The following GPC1 variants were observed in gnomAD, a reference collection of about 807,000 sequenced individuals.
The protein encoded by GPC1 is glypican-1.
In GPC1, 26 loss-of-function variants were observed where a neutral mutation model predicts 51.5. That is an observed-to-expected ratio of 0.50 (90% CI 0.37 to 0.70). The LOEUF is 0.70. Ranked by LOEUF, GPC1 falls within the 30% of genes least tolerant of loss-of-function variation. The pLI, the probability that GPC1 is intolerant of heterozygous loss-of-function variation, is 0.00. For missense variants in GPC1, 775 were observed against 800.5 expected (o/e 0.97, Z 0.38); for synonymous variants, 380 against 348.3 (o/e 1.09, Z -1.01).
At chr2:240,438,217 C>A (rs2073996041) in intron 1 of GPC1, among the ~76,000 whole-genome samples, 1 of 152,204 alleles carries the variant, frequency 6.6e-6, no homozygotes. Context: ...ATTACTGCCT[C>A]TCCAGTCGGT....
chr2:240,451,066 T>C, intron 1 of GPC1: 2 of 464,426 alleles, frequency 4.3e-6, no homozygotes, highest in Non-Finnish European at 9.0e-6. Flanking sequence ...AGAGATGGCT[T>C]CTCGGGAAGT....
intron 1 of GPC1, among the ~76,000 whole-genome samples, chr2:240,438,877 G>A (rs1442165017): frequency 6.6e-6 from 1 of 152,182 alleles, no homozygotes; most frequent in African/African-American, 2.4e-5. Context: ...CTGGACGGTG[G>A]CACTGCAGCA....
At position 240,465,082 on chromosome 2, in the gene GPC1, C is replaced by T. The variant is rs2228327; in HGVS notation, c.1140C>T (p.Ser380=). ...GCCTGACTGCTGCCCCACAGGTCTC[C>T]GAAGCCAAGGCCCAGCTCCGCGACG... is the stretch of plus-strand genomic sequence containing the variant. ...PPSGTLEKLV[S]EAKAQLRDVQ... The change falls in exon 7 of 9, where the codon TCC becomes TCT. Residue 380 remains serine (S), a synonymous_variant. Transcript: ENST00000264039. 474,281 of 1,603,288 alleles carry T rather than the reference C, an allele frequency of 0.3. 72,069 individuals carry two copies. The highest frequency in any genetic ancestry group is 0.37 in the Middle Eastern group (2,235 of 6,048).
At chr2:240,456,526 CCGGGAAGCTCAG>C in intron 1 of GPC1, 1 of 453,394 alleles carries the variant, frequency 2.2e-6, no homozygotes, top group Non-Finnish European at 4.6e-6. Context: ...GGGTGTGTCA[CCGGGAAGCTCAG>C]CTGGCACCTG....
chr2:240,447,393 C>T (rs182407921), intron 1 of GPC1, among the ~76,000 whole-genome samples: 12 of 152,298 alleles, frequency 7.9e-5, no homozygotes, highest in Admixed American at 6.5e-5. Flanking sequence ...GAAGGCTCAG[C>T]GCCGTGAGGA....
At chr2:240,442,986 C>T (rs149003316) in intron 1 of GPC1, among the ~76,000 whole-genome samples, 1,672 of 152,374 alleles carry the variant, frequency 0.011, 21 homozygotes, top group African/African-American at 0.036. Flanking sequence ...GAGGCCTCAG[C>T]GTCAGGCCCT....
chr2:240,449,440 C>A (rs4676356), intron 1 of GPC1: 172,561 of 175,364 alleles, frequency 0.98, 84,910 homozygotes, highest in East Asian at 1. Context: ...CAAATACTTT[C>A]ATTTCAAATA....
At chr2:240,457,327 T>C in intron 1 of GPC1, 1 of 440,078 alleles carries the variant, frequency 2.3e-6, no homozygotes, top group South Asian at 1.6e-5. Context: ...GCACAGAGGC[T>C]ACAGGGGCCA....
chr2:240,446,080 A>G (rs2074048464), intron 1 of GPC1, among the ~76,000 whole-genome samples: 1 of 152,262 alleles, frequency 6.6e-6, no homozygotes, highest in Non-Finnish European at 1.5e-5. Context: ...GCACAGAGAA[A>G]GTCCGGCTGA....
chr2:240,451,252 G>A (rs1029406854), intron 1 of GPC1: 2 of 471,030 alleles, frequency 4.2e-6, no homozygotes, highest in African/African-American at 4.0e-5. Context: ...CATTCACGGG[G>A]CAGATGGACG....
intron 1 of GPC1, chr2:240,450,883 T>G: frequency 2.3e-6 from 1 of 425,788 alleles, no homozygotes; most frequent in South Asian, 1.8e-5. Flanking sequence ...GGAAGGAGCA[T>G]GGCTTGTTGG....
At chr2:240,458,124 C>T (rs1287203595) in intron 1 of GPC1, 1 of 461,682 alleles carries the variant, frequency 2.2e-6, no homozygotes, top group African/African-American at 2.0e-5. Flanking sequence ...CCCTGTAAGC[C>T]CCGGTTTTCT....
intron 1 of GPC1, among the ~76,000 whole-genome samples, 197 bp downstream of exon 1, chr2:240,436,281 C>A (rs2073983559): frequency 6.6e-6 from 1 of 152,078 alleles, no homozygotes; most frequent in African/African-American, 2.4e-5. Context: ...GCGCCGCACT[C>A]CCTCGCCAGG....
intron 1 of GPC1, chr2:240,456,581 C>T (rs1252569995): frequency 2.1e-6 from 1 of 469,452 alleles, no homozygotes; most frequent in South Asian, 1.6e-5. Context: ...TTCCCTCCCA[C>T]TGCCCAGCCC....
At position 240,464,742 on chromosome 2, in the gene GPC1, C is replaced by T; in HGVS notation, c.1010C>T (p.Ala337Val). 1 of 1,607,332 alleles carries T rather than the reference C, an allele frequency of 6.2e-7. No individual in the cohort carries two copies. The highest frequency in any genetic ancestry group is 8.5e-7 in the Non-Finnish European group (1 of 1,177,318). ...ALQDNRDTLT[A>V]KVIQGCGNPK... ...CAGGACAACAGGGACACGCTCACGGCCAAGGTGCGGGCAGGAGGACGTGAC... is the reference window on the plus strand; with the variant it reads ...CAGGACAACAGGGACACGCTCACGGTCAAGGTGCGGGCAGGAGGACGTGAC... Residue 337 changes from alanine to valine, a missense_variant, in exon 5 of 9, where the codon GCC becomes GTC. Transcript: ENST00000264039.
At chr2:240,452,702 G>A (rs1241490632) in intron 1 of GPC1, 11 of 151,532 alleles carry the variant, frequency 7.3e-5, no homozygotes, top group African/African-American at 7.3e-5. Context: ...GAGGGGCCGG[G>A]GCGGCCGCCT....
At chr2:240,463,649 TG>T in intron 4 of GPC1, 137 bp downstream of exon 4, 1 of 696,472 alleles carries the variant, frequency 1.4e-6, no homozygotes, top group Non-Finnish European at 2.4e-6. Context: ...GGGCCAGATC[TG>T]GGTGGTGCTG....
intron 1 of GPC1, among the ~76,000 whole-genome samples, chr2:240,440,123 C>A (rs1382791417): frequency 6.6e-6 from 1 of 152,204 alleles, no homozygotes; most frequent in Admixed American, 6.5e-5. Context: ...CTGTGCACCT[C>A]GTGGGCAGCC....
chr2:240,445,182 G>C (rs1315473158), intron 1 of GPC1, among the ~76,000 whole-genome samples: 1 of 152,216 alleles, frequency 6.6e-6, no homozygotes, highest in African/African-American at 2.4e-5. Flanking sequence ...TCACACCCAG[G>C]ATGGTAGGTG....
Sources: allele counts gnomAD v4.1 joint callset (sites outside exome capture counted in the v4.1 genomes callset), GRCh38; gene constraint gnomAD v4.1.1; transcripts MANE v1.5; gene names NCBI Gene and HGNC (gene_info 2026-07-23, HGNC 2026-07-21).